The following MEF2A variants were observed in gnomAD, a reference collection of about 807,000 sequenced individuals.
MEF2A encodes myocyte enhancer factor 2A, also known as myocyte-specific enhancer factor 2A.
In MEF2A, 28 loss-of-function variants were observed where a neutral mutation model predicts 55.8. The observed-to-expected ratio is 0.50, with a 90% CI of 0.37 to 0.69. The LOEUF (loss-of-function observed/expected upper bound fraction) is 0.69, where lower values mean the gene tolerates loss of function less well. MEF2A is among the 30% of genes least tolerant of loss of function. MEF2A has a pLI of 0.00. For synonymous variants in MEF2A, 239 were observed against 227.1 expected (o/e 1.05, Z -0.47); for missense variants, 528 against 626.2 (o/e 0.84, Z 1.67).
At chr15:99,619,585 A>G (rs1320870445) in intron 2 of MEF2A, among the ~76,000 whole-genome samples, 1 of 152,200 alleles carries the variant, frequency 6.6e-6, no homozygotes, top group Admixed American at 6.5e-5. Flanking sequence ...CCATTCAGCC[A>G]ACTGATTACT....
chr15:99,644,120 G>A (rs780166487), intron 3 of MEF2A, among the ~76,000 whole-genome samples: 5 of 152,164 alleles, frequency 3.3e-5, no homozygotes, highest in Non-Finnish European at 5.9e-5. Context: ...GTGGAGTATT[G>A]TGCTTTGTGC....
At chr15:99,570,390 CATA>C (rs944377729) in intron 1 of MEF2A, among the ~76,000 whole-genome samples, 3 of 151,920 alleles carry the variant, frequency 2.0e-5, no homozygotes, top group African/African-American at 7.3e-5. Flanking sequence ...AACATGAAAA[CATA>C]AAAAGGAAAC....
At chr15:99,675,508 A>G in intron 7 of MEF2A, 50 bp downstream of exon 7, 1 of 1,453,150 alleles carries the variant, frequency 6.9e-7, no homozygotes, top group Non-Finnish European at 9.6e-7. Flanking sequence ...CCTATATGAG[A>G]TCAAAGGAAT....
chr15:99,674,286 C>G, intron 5 of MEF2A, 107 bp from the exon 6 acceptor site: 1 of 961,872 alleles, frequency 1.0e-6, no homozygotes, highest in Non-Finnish European at 1.6e-6. Flanking sequence ...CTATCCCTAT[C>G]CTCTACTTTT....
intron 10 of MEF2A, among the ~76,000 whole-genome samples, chr15:99,707,804 G>A (rs2058206007): frequency 6.6e-6 from 1 of 152,158 alleles, no homozygotes; most frequent in South Asian, 2.1e-4. Context: ...AGCCTTCAGG[G>A]TAAATGCTTT....
intron 2 of MEF2A, among the ~76,000 whole-genome samples, chr15:99,626,835 A>G (rs2042125062): frequency 6.6e-6 from 1 of 152,242 alleles, no homozygotes; most frequent in Non-Finnish European, 1.5e-5. Context: ...CAAGACAAGC[A>G]AAGTCATCTA....
intron 9 of MEF2A, among the ~76,000 whole-genome samples, chr15:99,706,304 A>T (rs2058038518): frequency 6.6e-6 from 1 of 152,270 alleles, no homozygotes; most frequent in Admixed American, 6.5e-5. Flanking sequence ...TACCGCAAAG[A>T]AAAGTAGTTT....
chr15:99,649,933 T>C (rs950875990), intron 4 of MEF2A, among the ~76,000 whole-genome samples: 1 of 152,338 alleles, frequency 6.6e-6, no homozygotes, highest in East Asian at 1.9e-4. Context: ...TTTCTGCTTA[T>C]AATTTTTTAA....
chr15:99,607,426 C>T (rs1410780941), intron 2 of MEF2A, among the ~76,000 whole-genome samples: 1 of 152,086 alleles, frequency 6.6e-6, no homozygotes, highest in African/African-American at 2.4e-5. Context: ...TAAGGTTAGA[C>T]TTAGAGCACA....
chr15:99,602,698 GTAGGGGTGGGGAGCTTTT>G (rs1385360295), intron 2 of MEF2A, among the ~76,000 whole-genome samples: 1,460 of 89,096 alleles, frequency 0.016, 11 homozygotes, highest in East Asian at 0.03. Flanking sequence ...GTGTGTGTGT[GTAGGGGTGGGGAGCTTTT>G]TGTGTGTGTG....
intron 11 of MEF2A, among the ~76,000 whole-genome samples, chr15:99,711,894 G>T (rs147972191): frequency 1.6e-4 from 25 of 152,342 alleles, no homozygotes; most frequent in African/African-American, 2.4e-4. Context: ...CAGCCTGTTT[G>T]CGTCCTCCTC....
chr15:99,618,703 G>A (rs991566758), intron 2 of MEF2A, among the ~76,000 whole-genome samples: 2 of 152,092 alleles, frequency 1.3e-5, no homozygotes, highest in African/African-American at 4.8e-5. Context: ...ACATATCCAT[G>A]AGAGTGAGAA....
chr15:99,698,517 G>T (rs12593785), intron 8 of MEF2A, among the ~76,000 whole-genome samples: 36,833 of 151,884 alleles, frequency 0.24, 4,653 homozygotes, highest in African/African-American at 0.3. Flanking sequence ...CAACGGCTGG[G>T]CGCGGTGGCT....
intron 10 of MEF2A, among the ~76,000 whole-genome samples, chr15:99,710,390 G>GCC (rs1567512765): frequency 1.3e-5 from 2 of 152,120 alleles, no homozygotes; most frequent in African/African-American, 4.8e-5. Context: ...CTACAGGCAT[G>GCC]CGCCACCACG....
At chr15:99,578,256 T>C (rs1238642073) in intron 1 of MEF2A, among the ~76,000 whole-genome samples, 2 of 152,224 alleles carry the variant, frequency 1.3e-5, no homozygotes, top group Admixed American at 1.3e-4. Context: ...TTCTCCCTCG[T>C]TTATTTATTC....
intron 1 of MEF2A, among the ~76,000 whole-genome samples, chr15:99,594,193 A>G (rs1163771350): frequency 1.3e-5 from 2 of 152,306 alleles, no homozygotes; most frequent in East Asian, 1.9e-4. Context: ...CTTCTGATCA[A>G]TTGGCTGTAA....
chr15:99,585,647 G>T (rs1026257742), intron 1 of MEF2A, among the ~76,000 whole-genome samples: 1 of 152,130 alleles, frequency 6.6e-6, no homozygotes, highest in Non-Finnish European at 1.5e-5. Context: ...TAAATACTTG[G>T]TACTTAAGGA....
intron 4 of MEF2A, among the ~76,000 whole-genome samples, chr15:99,655,360 A>T (rs989534705): frequency 6.6e-6 from 1 of 152,162 alleles, no homozygotes; most frequent in African/African-American, 2.4e-5. Flanking sequence ...TCATATACAA[A>T]ATGTTTATGG....
At position 99,624,070 on chromosome 15, in the gene MEF2A, C is replaced by T. The variant is rs531803398; in HGVS notation, c.-142-8908C>T. Among the ~76,000 whole-genome samples the T allele has an allele frequency of 2.0e-5, 3 of 152,170 alleles. No individual in the cohort carries two copies. In the South Asian group the frequency reaches 6.2e-4, roughly 32 times the overall value. ...ATCCACCCACCTCGACCTCCCAAAGCGTTGGGATTACAGGCATGAGCATGG... is the reference window on the plus strand; with the variant it reads ...ATCCACCCACCTCGACCTCCCAAAGTGTTGGGATTACAGGCATGAGCATGG... On this transcript the variant is annotated intron_variant, in intron 2 of 11. Transcript: ENST00000557942.
Sources: gnomAD v4.1 joint callset for allele counts (sites outside exome capture counted in the v4.1 genomes callset) on GRCh38, gnomAD v4.1.1 for gene constraint, MANE v1.5 for transcripts, NCBI Gene and HGNC (gene_info 2026-07-23, HGNC 2026-07-21) for gene names.